Variants in EXOC6B observed in about 807,000 individuals in gnomAD.
EXOC6B encodes exocyst complex component 6B, also known as SEC15 homolog B.
EXOC6B carries 54 observed loss-of-function variants against 113.5 expected under a neutral mutation model. The ratio of observed to expected loss-of-function variants is 0.48; its 90% CI spans 0.38 to 0.60. EXOC6B has a LOEUF of 0.60. Ranked by LOEUF, EXOC6B falls within the 20% of genes least tolerant of loss-of-function variation. EXOC6B has a pLI of 0.00. For synonymous variants in EXOC6B, 357 were observed against 339.0 expected, an observed-to-expected ratio of 1.05 and a Z score of -0.58; for missense variants, 797 against 977.5, an observed-to-expected ratio of 0.82 and a Z score of 2.46.
chr2:72,442,170 G>A (rs1696242028), intron 18 of EXOC6B, among the ~76,000 whole-genome samples: 1 of 151,916 alleles, frequency 6.6e-6, no homozygotes, highest in South Asian at 2.1e-4. Flanking sequence ...ATCTCAATAG[G>A]TGCAAAAAAG....
At chr2:72,573,260 G>C (rs1022879398) in intron 7 of EXOC6B, among the ~76,000 whole-genome samples, 1 of 152,084 alleles carries the variant, frequency 6.6e-6, no homozygotes, top group Non-Finnish European at 1.5e-5. Context: ...TATTATCCAA[G>C]GGCACAGACT....
At chr2:72,652,479 A>G (rs1674251270) in intron 6 of EXOC6B, among the ~76,000 whole-genome samples, 2 of 152,092 alleles carry the variant, frequency 1.3e-5, no homozygotes, top group African/African-American at 2.4e-5. Context: ...TGCTAGGCTC[A>G]TGTTACACCA....
chr2:72,511,486 C>G (rs140261551), intron 11 of EXOC6B, among the ~76,000 whole-genome samples: 223 of 152,288 alleles, frequency 1.5e-3, no homozygotes, highest in African/African-American at 5.2e-3. Context: ...CTTACTATCA[C>G]TCCTTGACCC....
Position 72,379,802 on chromosome 2 carries a change from C to A in EXOC6B, c.2049G>T (p.Leu683Phe). ...KHLATSLMQL[L>F]LEAEVRQLTL... The stretch of plus-strand genomic sequence containing the variant: ...TGAGCTGCCGCACTTCAGCTTCCAA[C>A]AAAAGTTGCATCAAGGATGTGGCTA... The change falls in exon 19 of 22, where the codon TTG becomes TTT. Residue 683 changes from leucine to phenylalanine, a missense_variant. Transcript: ENST00000272427. The A allele has an allele frequency of 1.2e-6, 2 of 1,613,300 alleles. No homozygotes were observed. The highest frequency in any genetic ancestry group is 1.7e-6 in the Non-Finnish European group (2 of 1,179,594).
chr2:72,221,476 TC>T (rs1172687276), intron 20 of EXOC6B, among the ~76,000 whole-genome samples: 2 of 152,286 alleles, frequency 1.3e-5, no homozygotes, highest in East Asian at 3.9e-4. Flanking sequence ...CTGCAACCTG[TC>T]CTCCCAAATC....
intron 18 of EXOC6B, among the ~76,000 whole-genome samples, chr2:72,401,602 TGTGTATATATATATATATAC>T: frequency 3.5e-5 from 1 of 28,262 alleles, no homozygotes; most frequent in African/African-American, 3.5e-4. Flanking sequence ...TATATATATA[TGTGTATATATATATATATAC>T]ATATATATAT....
intron 17 of EXOC6B, among the ~76,000 whole-genome samples, chr2:72,473,393 T>A (rs866624930): frequency 1.2e-4 from 19 of 152,120 alleles, no homozygotes; most frequent in African/African-American, 3.9e-4. Flanking sequence ...TGGTGTTACA[T>A]CCTCTTGCTA....
chr2:72,232,338 A>G (rs1417610972), intron 20 of EXOC6B, among the ~76,000 whole-genome samples: 1 of 152,156 alleles, frequency 6.6e-6, no homozygotes, highest in African/African-American at 2.4e-5. Flanking sequence ...AGTGAGATTA[A>G]AATGGGCCCT....
At chr2:72,487,154 C>G (rs1010241787) in intron 16 of EXOC6B, among the ~76,000 whole-genome samples, 4 of 152,126 alleles carry the variant, frequency 2.6e-5, no homozygotes, top group Non-Finnish European at 4.4e-5. Context: ...ACTATGGAAC[C>G]AACATAAACG....
intron 20 of EXOC6B, among the ~76,000 whole-genome samples, chr2:72,269,759 A>C (rs1684366497): frequency 6.6e-6 from 1 of 152,180 alleles, no homozygotes; most frequent in Admixed American, 6.5e-5. Context: ...CTTCATCTAT[A>C]AAATGGAAAT....
chr2:72,612,134 G>C (rs536584813), intron 6 of EXOC6B, among the ~76,000 whole-genome samples: 1 of 152,142 alleles, frequency 6.6e-6, no homozygotes, highest in South Asian at 2.1e-4. Context: ...AATTAGCCAG[G>C]CGTGGAGGAG....
intron 1 of EXOC6B, among the ~76,000 whole-genome samples, chr2:72,818,072 A>G (rs1455758873): frequency 6.6e-6 from 1 of 152,038 alleles, no homozygotes; most frequent in Admixed American, 6.5e-5. Flanking sequence ...CCTGGGTTCA[A>G]GTGATTCTCC....
intron 7 of EXOC6B, among the ~76,000 whole-genome samples, chr2:72,560,896 A>G (rs1263719665): frequency 6.6e-6 from 1 of 152,024 alleles, no homozygotes; most frequent in Non-Finnish European, 1.5e-5. Context: ...TTACTGAAAA[A>G]AAATATGGAG....
In EXOC6B at chr2:72,511,406, C is replaced by G. The variant is rs1275661654; in HGVS notation, c.1167+1726G>C. Among the ~76,000 whole-genome samples, 7 of 152,110 alleles carry G rather than the reference C, an allele frequency of 4.6e-5. No individual in the cohort carries two copies. The East Asian group carries it at 1.2e-3, about 25-fold the overall frequency. On this transcript the variant is annotated intron_variant, in intron 11 of 21. Transcript: ENST00000272427. ...GTTCTTTTCCTTTTACCTCTTATAT[C>G]TAATCCATCAGAAAGTACAATTAAT...
rs149701318 is a variant in EXOC6B at position 72,393,446 on chromosome 2, C to T, written c.1981-13576G>A. On this transcript the variant is annotated intron_variant, in intron 18 of 21. Transcript: ENST00000272427. The stretch of plus-strand genomic sequence containing the variant: ...CCATCTTTTCTCTCCTCTTTGGTAT[C>T]CTGCTTATCTAAATCCTATACTTAC... Among the ~76,000 whole-genome samples the T allele has an allele frequency of 5.3e-5, 8 of 152,114 alleles. No individual in the cohort carries two copies. In the East Asian group the frequency reaches 1.2e-3, roughly 22 times the overall value.
At chr2:72,466,784 C>A (rs1390328404) in intron 17 of EXOC6B, among the ~76,000 whole-genome samples, 2 of 152,114 alleles carry the variant, frequency 1.3e-5, no homozygotes, top group Non-Finnish European at 2.9e-5. Flanking sequence ...ATGGCAAAAA[C>A]CACAATTACT....
At chr2:72,649,738 C>A (rs1674021611) in intron 6 of EXOC6B, among the ~76,000 whole-genome samples, 1 of 152,030 alleles carries the variant, frequency 6.6e-6, no homozygotes, top group South Asian at 2.1e-4. Flanking sequence ...TTCAATGGAA[C>A]AGAAGAGATC....
chr2:72,741,199 AT>A, intron 2 of EXOC6B, 104 bp downstream of exon 2: 1 of 1,131,972 alleles, frequency 8.8e-7, no homozygotes, highest in African/African-American at 1.6e-5. Flanking sequence ...TTATACAAAA[AT>A]CTTCACTACA....
intron 20 of EXOC6B, among the ~76,000 whole-genome samples, chr2:72,321,441 A>G (rs968424798): frequency 6.6e-6 from 1 of 150,842 alleles, no homozygotes; most frequent in African/African-American, 2.4e-5. Context: ...AGGCTGAGGC[A>G]GGAGAATTGC....
Sources: allele counts gnomAD v4.1 joint callset (sites outside exome capture counted in the v4.1 genomes callset), GRCh38; gene constraint gnomAD v4.1.1; transcripts MANE v1.5; gene names NCBI Gene and HGNC (gene_info 2026-07-23, HGNC 2026-07-21).